The following DYNC2H1 variants were observed in gnomAD, a reference collection of about 807,000 sequenced individuals.
DYNC2H1 encodes the protein dynein cytoplasmic 2 heavy chain 1.
Under a neutral mutation model 570.0 loss-of-function variants are expected in DYNC2H1, and 410 were observed. The ratio of observed to expected loss-of-function variants is 0.72; its 90% CI spans 0.66 to 0.78. The LOEUF (loss-of-function observed/expected upper bound fraction) is 0.78. Among genes scored for constraint, DYNC2H1 ranks in the 30% least tolerant of loss-of-function variants. The pLI, the probability that DYNC2H1 is intolerant of heterozygous loss-of-function variation, is 0.00. For synonymous variants in DYNC2H1, 1,688 were observed against 1,677.6 expected, an observed-to-expected ratio of 1.01 and a Z score of -0.15; for missense variants, 4,865 against 5,046.4, an observed-to-expected ratio of 0.96 and a Z score of 1.09.
rs1271517521 is a variant in DYNC2H1 at position 103,201,713 on chromosome 11, T to C, written c.8197+1559T>C. Among the ~76,000 whole-genome samples, 1 of 152,148 alleles carries C rather than the reference T, an allele frequency of 6.6e-6. No individual in the cohort carries two copies. The highest frequency in any genetic ancestry group is 2.4e-5 in the African/African-American group (1 of 41,436). ...CTGTCTGTGGTGTTACCTGACCTTTTTGGTGTCTTCCTGGGGAGGACACTT... is the reference window on the plus strand; with the variant it reads ...CTGTCTGTGGTGTTACCTGACCTTTCTGGTGTCTTCCTGGGGAGGACACTT... On this transcript the variant is annotated intron_variant, in intron 50 of 88. Coordinates refer to ENST00000375735, the MANE Select transcript of DYNC2H1 (RefSeq NM_001377.3). The surrounding 1 kb of genome is among the most constrained non-coding windows in gnomAD (Gnocchi z 4.8).
intron 40 of DYNC2H1, among the ~76,000 whole-genome samples, chr11:103,184,129 A>G (rs943612641): frequency 5.9e-5 from 9 of 151,938 alleles, no homozygotes; most frequent in African/African-American, 2.2e-4. Context: ...TTTTTTAAAG[A>G]AGCCGTGAGC....
chr11:103,343,298 T>G lies in DYNC2H1; in HGVS notation c.12040-14945T>G, dbSNP rs993392566. ...CCTGTATATCCTGACCCTTGCCTCA[T>G]GGGTCCTAACGCCTGTCAGACAAAC... On this transcript the variant is annotated intron_variant, in intron 82 of 88. Transcript: ENST00000375735. Among the ~76,000 whole-genome samples, 4 of 152,310 alleles carry G rather than the reference T, an allele frequency of 2.6e-5. No individual in the cohort carries two copies. The East Asian group carries it at 7.7e-4, about 29-fold the overall frequency.
At chr11:103,390,879 T>C (rs1942117387) in intron 83 of DYNC2H1, among the ~76,000 whole-genome samples, 1 of 152,246 alleles carries the variant, frequency 6.6e-6, no homozygotes, top group South Asian at 2.1e-4. Context: ...GTTAGTCTGA[T>C]GGGCTTCCCT....
chr11:103,154,134 A>G (rs1240382562), intron 22 of DYNC2H1, among the ~76,000 whole-genome samples: 1 of 151,832 alleles, frequency 6.6e-6, no homozygotes, highest in Non-Finnish European at 1.5e-5. Flanking sequence ...TTGAATATTT[A>G]CATATATATA....
chr11:103,303,122 A>T lies in DYNC2H1; in HGVS notation c.11125A>T (p.Asn3709Tyr), dbSNP rs1867119544. The change falls in exon 76 of 89, where the codon AAT (asparagine) becomes TAT (tyrosine). Residue 3709 changes from asparagine to tyrosine, a missense_variant. By Grantham distance (143) the Asn-to-Tyr change is moderately radical. Around this residue, in one of 5 missense-constraint regions of DYNC2H1, gnomAD observed 2,401 missense variants for 2,454.6 expected, o/e 0.98. Transcript: ENST00000375735. ...GAAAGAGGTGTCCCCACTGCCTCTAAATCTCAAACGTTTATACAAAGAGAC... is the reference window on the plus strand; with the variant it reads ...GAAAGAGGTGTCCCCACTGCCTCTATATCTCAAACGTTTATACAAAGAGAC... ...GLKEVSPLPLNLKRLYKETLE... is the reference protein window; with the variant it reads ...GLKEVSPLPLYLKRLYKETLE... 1.3e-6 allele frequency: 2 copies of T among 1,598,218 alleles called. No homozygotes were observed. The highest frequency in any genetic ancestry group is 1.3e-5 in the African/African-American group (1 of 74,708).
chr11:103,293,023 A>C (rs1866677078), intron 75 of DYNC2H1, among the ~76,000 whole-genome samples: 1 of 152,256 alleles, frequency 6.6e-6, no homozygotes, highest in Admixed American at 6.5e-5. Context: ...TACTTTTACC[A>C]GTGACTTTTA....
chr11:103,115,797 A>G (rs1026339702), intron 4 of DYNC2H1, among the ~76,000 whole-genome samples: 1 of 152,160 alleles, frequency 6.6e-6, no homozygotes, highest in African/African-American at 2.4e-5. Context: ...AGAAAAAAAC[A>G]AAAAACAAAA....
Position 103,222,059 on chromosome 11 carries a change from A to G in DYNC2H1, c.9137A>G (p.Asp3046Gly). ...SFLAKRGVRE[D>G]IATFDARNIS... ...CTTGCAAAAAGAGGTGTAAGAGAAG[A>G]CATAGCAACCTTTGATGCCCGAAAT... Residue 3046 changes from aspartate (D) to glycine (G), a missense_variant, in exon 58 of 89, where the codon GAC becomes GGC. This residue lies in a region of DYNC2H1 where 2,401 missense variants were observed against 2,454.6 expected (regional missense o/e 0.98). Transcript: ENST00000375735. 6.2e-7 allele frequency: 1 copy of G among 1,612,192 alleles called. No individual in the cohort carries two copies. The highest frequency in any genetic ancestry group is 8.5e-7 in the Non-Finnish European group (1 of 1,179,038).
chr11:103,479,354 A>C lies in DYNC2H1; in HGVS notation c.*101A>C. ...GTCTACATTTGAAATGTTAGTTCAA[A>C]ATATTAACATATAGTTATGTTGTTG... On this transcript the variant is annotated 3_prime_UTR_variant, in exon 89 of 89. Transcript: ENST00000375735. The C allele has an allele frequency of 2.2e-6, 3 of 1,333,952 alleles. No homozygotes were observed. Among genetic ancestry groups the C allele is most frequent in the African/African-American group, 2.9e-5 (2 of 68,286 alleles). 82.6% of individuals were successfully genotyped at this position (1,333,952 alleles called of 1,614,324 possible). A position where few individuals can be genotyped will look rare whatever the true frequency, so the allele number is the denominator to read the frequency against.
chr11:103,181,729 A>G lies in DYNC2H1; in HGVS notation c.6348-28A>G. On this transcript the variant is annotated intron_variant, in intron 39 of 88. Coordinates refer to ENST00000375735, the MANE Select transcript of DYNC2H1 (RefSeq NM_001377.3). This position sits in a 1 kb window ranked among gnomAD's most constrained non-coding sequence, Gnocchi z 5.0. ...GTAAATTGATAATTTCTTCCTAAGT[A>G]ATTTTTTATTTGTCTAAACTGTTTC... 3.3e-6 allele frequency: 5 copies of G among 1,508,060 alleles called. No individual in the cohort carries two copies. The highest frequency in any genetic ancestry group is 4.4e-6 in the Non-Finnish European group (5 of 1,128,502). 93.4% of individuals were successfully genotyped at this position (1,508,060 alleles called of 1,614,324 possible). A position where few individuals can be genotyped will look rare whatever the true frequency, so the allele number is the denominator to read the frequency against.
chr11:103,265,492 A>G (rs147740105), intron 70 of DYNC2H1, among the ~76,000 whole-genome samples: 457 of 152,332 alleles, frequency 3.0e-3, no homozygotes, highest in African/African-American at 0.01. Context: ...TAAGTTTTTC[A>G]GCTGTATCAG....
At chr11:103,391,616 A>G (rs879730558) in intron 83 of DYNC2H1, among the ~76,000 whole-genome samples, 11 of 152,046 alleles carry the variant, frequency 7.2e-5, no homozygotes, top group Non-Finnish European at 1.3e-4. Flanking sequence ...TTTTTTCCCC[A>G]TCTTTGTGAT....
At chr11:103,221,930 G>T in intron 57 of DYNC2H1, 100 bp from the exon 58 acceptor site, 1 of 1,214,472 alleles carries the variant, frequency 8.2e-7, no homozygotes, top group Non-Finnish European at 1.2e-6. Flanking sequence ...GTTAACTAAT[G>T]GATTAAAAGT....
chr11:103,265,344 G>A (rs560508079), intron 70 of DYNC2H1, among the ~76,000 whole-genome samples: 5 of 152,268 alleles, frequency 3.3e-5, no homozygotes, highest in East Asian at 1.9e-4. Context: ...AAACCTGCAC[G>A]TTCAGCACAA....
At position 103,325,770 on chromosome 11, in the gene DYNC2H1, A is replaced by G. The variant is rs118149938; in HGVS notation, c.12039+1780A>G. Among the ~76,000 whole-genome samples the G allele has an allele frequency of 5.7e-3, 861 of 152,248 alleles. 26 individuals are homozygous for G. Among genetic ancestry groups the G allele is most frequent in the East Asian group, 0.041 (215 of 5,184 alleles). On this transcript the variant is annotated intron_variant, in intron 82 of 88. Transcript: ENST00000375735. This position sits in a 1 kb window ranked among gnomAD's most constrained non-coding sequence, Gnocchi z 4.8. ...CTTGGATTCTTTGGATCGGATTTCA[A>G]CTTTCTCCTGAATTTTGTTGAGCTT...
chr11:103,394,901 G>A (rs1029147334), intron 83 of DYNC2H1, among the ~76,000 whole-genome samples: 3 of 151,912 alleles, frequency 2.0e-5, no homozygotes. Context: ...CCTGTGAAAT[G>A]GGTGGCAAGA....
chr11:103,325,038 TG>T lies in DYNC2H1; in HGVS notation c.12039+1049del, dbSNP rs1371898941. 6.6e-6 allele frequency among the ~76,000 whole-genome samples: 1 copy of T among 152,236 alleles called. No individual in the cohort carries two copies. The highest frequency in any genetic ancestry group is 1.5e-5 in the Non-Finnish European group (1 of 68,036). On this transcript the variant is annotated intron_variant, in intron 82 of 88. Transcript: ENST00000375735. This position sits in a 1 kb window ranked among gnomAD's most constrained non-coding sequence, Gnocchi z 4.8. ...TTGAGAAGCATCTCTTCATGTTTTT[TG>T]CCCACTTTTTAATGGGCTTGTTTGT...
intron 85 of DYNC2H1, among the ~76,000 whole-genome samples, chr11:103,452,635 T>C (rs941458834): frequency 2.6e-5 from 4 of 151,986 alleles, no homozygotes; most frequent in African/African-American, 7.2e-5. Context: ...AATTTACTGA[T>C]AAGTTACCTA....
intron 34 of DYNC2H1, among the ~76,000 whole-genome samples, chr11:103,171,697 C>A (rs1213359915): frequency 6.6e-6 from 1 of 152,006 alleles, no homozygotes; most frequent in African/African-American, 2.4e-5. Context: ...TTACCACAAC[C>A]CTTTGAAGTA....
Sources: allele counts gnomAD v4.1 joint callset (sites outside exome capture counted in the v4.1 genomes callset), GRCh38; gene constraint gnomAD v4.1.1; regional missense constraint gnomAD v4.1.1; non-coding constraint Gnocchi (gnomAD v3.1); transcripts MANE v1.5; gene names NCBI Gene and HGNC (gene_info 2026-07-23, HGNC 2026-07-21).